CNTNAP4: variants seen among roughly 807,000 people sequenced by gnomAD.
CNTNAP4 encodes the protein contactin associated protein family member 4, also known as contactin-associated protein-like 4.
Under a neutral mutation model 148.4 loss-of-function variants are expected in CNTNAP4, and 98 were observed. The observed-to-expected ratio is 0.66, with a 90% CI of 0.56 to 0.78. The LOEUF is 0.78. Ranked by LOEUF, CNTNAP4 falls within the 30% of genes least tolerant of loss-of-function variation. CNTNAP4 has a pLI of 0.00. For missense variants in CNTNAP4, 1,935 were observed against 1,565.6 expected (o/e 1.24, Z -3.98); for synonymous variants, 730 against 565.1 (o/e 1.29, Z -4.14).
chr16:76,478,373 A>G (rs942438418), intron 11 of CNTNAP4, among the ~76,000 whole-genome samples: 3 of 152,224 alleles, frequency 2.0e-5, no homozygotes, highest in African/African-American at 7.2e-5. Context: ...AACCATGCTT[A>G]TATCTCTATC....
At chr16:76,355,652 TAA>T (rs777695820) in intron 3 of CNTNAP4, 141 bp downstream of exon 3, 55 of 533,770 alleles carry the variant, frequency 1.0e-4, no homozygotes, top group Non-Finnish European at 1.5e-4. Context: ...GAAAATATGG[TAA>T]ATAATCATTT....
intron 15 of CNTNAP4, among the ~76,000 whole-genome samples, chr16:76,515,100 C>G (rs969858950): frequency 1.3e-5 from 2 of 151,994 alleles, no homozygotes; most frequent in African/African-American, 4.8e-5. Flanking sequence ...GAGACTTTAT[C>G]AAAATGAAAT....
intron 15 of CNTNAP4, among the ~76,000 whole-genome samples, chr16:76,501,036 G>C (rs1468432244): frequency 6.6e-6 from 1 of 152,172 alleles, no homozygotes; most frequent in African/African-American, 2.4e-5. Context: ...ACACAGAGCA[G>C]AAGTTGCTTA....
intron 3 of CNTNAP4, among the ~76,000 whole-genome samples, chr16:76,386,040 C>G (rs920054542): frequency 6.6e-6 from 1 of 152,144 alleles, no homozygotes; most frequent in Non-Finnish European, 1.5e-5. Flanking sequence ...AGAGTGCCAC[C>G]TTGTTTGAAC....
chr16:76,295,455 T>A (rs558480583), intron 1 of CNTNAP4, among the ~76,000 whole-genome samples: 4 of 152,248 alleles, frequency 2.6e-5, no homozygotes, highest in African/African-American at 9.6e-5. Context: ...TTTTATAAAC[T>A]TAAAATTCTC....
At chr16:76,415,629 T>C (rs1295572868) in intron 3 of CNTNAP4, among the ~76,000 whole-genome samples, 2 of 131,336 alleles carry the variant, frequency 1.5e-5, no homozygotes, top group Non-Finnish European at 3.6e-5. Flanking sequence ...TTCTGATAAA[T>C]GTAAACACCT....
At chr16:76,390,278 A>G (rs571929306) in intron 3 of CNTNAP4, among the ~76,000 whole-genome samples, 16 of 152,328 alleles carry the variant, frequency 1.1e-4, no homozygotes, top group African/African-American at 3.1e-4. Flanking sequence ...CTCTTACTAC[A>G]GTAACTTATC....
At chr16:76,300,799 A>G (rs538169378) in intron 1 of CNTNAP4, among the ~76,000 whole-genome samples, 65 of 152,292 alleles carry the variant, frequency 4.3e-4, no homozygotes, top group Admixed American at 4.0e-3. Context: ...AATTTATTTT[A>G]TTCATGTCTT....
chr16:76,469,228 C>A (rs2143523376), intron 10 of CNTNAP4, among the ~76,000 whole-genome samples: 1 of 152,250 alleles, frequency 6.6e-6, no homozygotes, highest in African/African-American at 2.4e-5. Flanking sequence ...GAAAACAATT[C>A]TTTATATAAT....
intron 4 of CNTNAP4, among the ~76,000 whole-genome samples, chr16:76,447,723 T>C (rs1597572098): frequency 6.6e-6 from 1 of 152,332 alleles, no homozygotes; most frequent in East Asian, 1.9e-4. Flanking sequence ...TTGTGTTAGA[T>C]GATTTTGTTC....
intron 13 of CNTNAP4, among the ~76,000 whole-genome samples, chr16:76,493,059 C>G (rs1439420639): frequency 6.6e-6 from 1 of 151,668 alleles, no homozygotes; most frequent in East Asian, 1.9e-4. Context: ...TGGAACATGA[C>G]TAAATACAGA....
chr16:76,308,527 C>T (rs1366050666), intron 1 of CNTNAP4, among the ~76,000 whole-genome samples: 3 of 152,194 alleles, frequency 2.0e-5, no homozygotes, highest in South Asian at 2.1e-4. Flanking sequence ...TGGGGTGTCA[C>T]ACCACAAAAG....
intron 21 of CNTNAP4, among the ~76,000 whole-genome samples, chr16:76,552,488 G>A (rs776638879): frequency 9.9e-5 from 15 of 152,222 alleles, no homozygotes; most frequent in Admixed American, 4.6e-4. Flanking sequence ...ATATTCCTAA[G>A]TTAAAATTAT....
At chr16:76,547,432 A>G (rs923956153) in intron 21 of CNTNAP4, among the ~76,000 whole-genome samples, 4 of 152,202 alleles carry the variant, frequency 2.6e-5, no homozygotes, top group Non-Finnish European at 5.9e-5. Flanking sequence ...TGAAATTTAT[A>G]ATTACTATTT....
intron 8 of CNTNAP4, among the ~76,000 whole-genome samples, chr16:76,459,682 C>T (rs978601341): frequency 1.3e-5 from 2 of 152,114 alleles, no homozygotes; most frequent in African/African-American, 4.8e-5. Flanking sequence ...CATGCAATAT[C>T]AGAAAAAAGG....
At chr16:76,418,248 G>A (rs546006077) in intron 3 of CNTNAP4, among the ~76,000 whole-genome samples, 4 of 150,584 alleles carry the variant, frequency 2.7e-5, no homozygotes, top group Admixed American at 6.6e-5. Flanking sequence ...ATGTTACAAC[G>A]TTTATAATTG....
At chr16:76,453,499 A>G (rs559945285) in intron 8 of CNTNAP4, among the ~76,000 whole-genome samples, 44 of 152,292 alleles carry the variant, frequency 2.9e-4, no homozygotes, top group Admixed American at 1.8e-3. Context: ...AAAGCTCTAC[A>G]TCACATTTTT....
intron 2 of CNTNAP4, among the ~76,000 whole-genome samples, chr16:76,334,919 C>A (rs560646532): frequency 9.9e-5 from 15 of 151,976 alleles, no homozygotes; most frequent in African/African-American, 3.4e-4. Flanking sequence ...ACTGTAGGAG[C>A]CATCAAGGCT....
At chr16:76,332,047 C>T (rs117993630) in intron 2 of CNTNAP4, among the ~76,000 whole-genome samples, 4 of 152,102 alleles carry the variant, frequency 2.6e-5, no homozygotes, top group African/African-American at 7.2e-5. Flanking sequence ...GCCTTTTGGC[C>T]GCCCTGGTTT....
Sources: allele counts gnomAD v4.1 joint callset (sites outside exome capture counted in the v4.1 genomes callset), GRCh38; gene constraint gnomAD v4.1.1; transcripts MANE v1.5; gene names NCBI Gene and HGNC (gene_info 2026-07-23, HGNC 2026-07-21).